Variants in RERG observed in about 807,000 individuals in gnomAD.
RERG encodes RAS like estrogen regulated growth inhibitor, also known as ras-related and estrogen-regulated growth inhibitor.
A neutral mutation model predicts 23.2 loss-of-function variants in RERG; 25 were observed. That is an observed-to-expected ratio of 1.08 (90% CI 0.79 to 1.50). The LOEUF is 1.50. Among genes scored for constraint, RERG ranks in the 40% most tolerant of loss-of-function variants. The pLI, the probability that RERG is intolerant of heterozygous loss-of-function variation, is 0.00. For synonymous variants in RERG, 81 were observed against 89.1 expected, an observed-to-expected ratio of 0.91 and a Z score of 0.51; for missense variants, 253 against 250.1, an observed-to-expected ratio of 1.01 and a Z score of -0.08.
chr12:15,175,714 C>T (rs142913707), intron 2 of RERG, among the ~76,000 whole-genome samples: 7 of 152,152 alleles, frequency 4.6e-5, no homozygotes, highest in African/African-American at 1.7e-4. Context: ...TTTCCTTTAA[C>T]ATATGTTGTG....
At chr12:15,180,786 C>T (rs1020982783) in intron 2 of RERG, among the ~76,000 whole-genome samples, 4 of 152,190 alleles carry the variant, frequency 2.6e-5, no homozygotes, top group African/African-American at 7.2e-5. Flanking sequence ...TCACTTCTGA[C>T]TCCATGGGTT....
chr12:15,159,084 C>T (rs940685812), intron 2 of RERG, among the ~76,000 whole-genome samples: 5 of 152,188 alleles, frequency 3.3e-5, no homozygotes, highest in African/African-American at 1.2e-4. Context: ...ATTTCTTCTA[C>T]ATTTATTGGT....
rs920380196 is a variant in RERG at position 15,108,209 on chromosome 12, A to G, written c.*901T>C. The G allele has an allele frequency of 6.6e-6, 1 of 152,224 alleles. No homozygotes were observed. The highest frequency in any genetic ancestry group is 1.5e-5 in the Non-Finnish European group (1 of 68,024). 9.4% of individuals were successfully genotyped at this position (152,224 alleles called of 1,614,324 possible). ...TAATTTTTCTTACTGTACCTGGCTCAAAGTCTAGACTTCCCAATGGAGGCA... is the reference window on the plus strand; with the variant it reads ...TAATTTTTCTTACTGTACCTGGCTCGAAGTCTAGACTTCCCAATGGAGGCA... On this transcript the variant is annotated 3_prime_UTR_variant, in exon 5 of 5. Transcript: ENST00000256953.
intron 2 of RERG, among the ~76,000 whole-genome samples, chr12:15,128,770 C>T (rs1863991627): frequency 6.6e-6 from 1 of 152,154 alleles, no homozygotes; most frequent in Non-Finnish European, 1.5e-5. Context: ...TTAGGGACAA[C>T]AACGCAGTGG....
chr12:15,214,037 T>TGC (rs149434890), intron 2 of RERG, among the ~76,000 whole-genome samples: 9 of 95,652 alleles, frequency 9.4e-5, no homozygotes, highest in African/African-American at 3.6e-4. Flanking sequence ...TGTGTGTGTG[T>TGC]GCGCGTGTGT....
intron 1 of RERG, among the ~76,000 whole-genome samples, chr12:15,220,412 G>A (rs1466290416): frequency 6.6e-6 from 1 of 152,072 alleles, no homozygotes; most frequent in Non-Finnish European, 1.5e-5. Context: ...TATTATTAGT[G>A]ATGCATTCAT....
rs145864196 is a variant in RERG, at chr12:15,196,291, GA to G, written c.61+21137del. On this transcript the variant is annotated intron_variant, in intron 2 of 4. Coordinates refer to ENST00000256953, the MANE Select transcript of RERG (RefSeq NM_032918.3). ...GGATGCAGCTCTATGGAAAAGGAAA[GA>G]AAAATCATTTCACTTTACCATCTCT... Among the ~76,000 whole-genome samples the G allele has an allele frequency of 6.7e-3, 1,014 of 152,238 alleles. 3 individuals carry two copies. The highest frequency in any genetic ancestry group is 9.1e-3 in the Non-Finnish European group (617 of 67,998).
intron 2 of RERG, among the ~76,000 whole-genome samples, chr12:15,137,213 AT>A (rs1229952177): frequency 1.3e-5 from 2 of 151,792 alleles, no homozygotes; most frequent in Non-Finnish European, 1.5e-5. Context: ...TCTGTCTGAT[AT>A]TAATATAGCT....
At chr12:15,140,259 T>C (rs1406396964) in intron 2 of RERG, among the ~76,000 whole-genome samples, 1 of 152,098 alleles carries the variant, frequency 6.6e-6, no homozygotes, top group Non-Finnish European at 1.5e-5. Flanking sequence ...TCTCACTCTT[T>C]TTCTCCCATT....
intron 2 of RERG, among the ~76,000 whole-genome samples, chr12:15,175,331 C>CTGTGTGTGTGTGTG (rs1231946873): frequency 9.2e-6 from 1 of 109,272 alleles, no homozygotes; most frequent in Non-Finnish European, 2.0e-5. Flanking sequence ...TACTCTCAGG[C>CTGTGTGTGTGTGTG]TCTGTGTGTG....
chr12:15,128,213 C>T (rs1863982471), intron 2 of RERG, among the ~76,000 whole-genome samples: 1 of 152,046 alleles, frequency 6.6e-6, no homozygotes, highest in Non-Finnish European at 1.5e-5. Context: ...ATATCCATGA[C>T]CAGAAACCAT....
intron 2 of RERG, among the ~76,000 whole-genome samples, chr12:15,126,323 T>C (rs1299524516): frequency 3.3e-5 from 5 of 151,822 alleles, no homozygotes; most frequent in Non-Finnish European, 7.4e-5. Context: ...CTTCTGAACA[T>C]TTATTATCCT....
intron 2 of RERG, among the ~76,000 whole-genome samples, chr12:15,195,288 C>T (rs563300742): frequency 1.4e-4 from 21 of 152,104 alleles, no homozygotes; most frequent in Non-Finnish European, 2.5e-4. Context: ...AATGGAATGA[C>T]ATACAAACCC....
chr12:15,140,600 A>C (rs1455455215), intron 2 of RERG, among the ~76,000 whole-genome samples: 1 of 152,120 alleles, frequency 6.6e-6, no homozygotes, highest in Non-Finnish European at 1.5e-5. Flanking sequence ...TCTGCTACCG[A>C]TGAATTCTGT....
chr12:15,122,892 G>T (rs1018224805), intron 2 of RERG, among the ~76,000 whole-genome samples: 1 of 150,350 alleles, frequency 6.7e-6, no homozygotes, highest in Non-Finnish European at 1.5e-5. Context: ...TCCACCTTTC[G>T]GGTTCAAGCA....
rs777983262 is a variant in RERG at position 15,121,448 on chromosome 12, A to G, written c.62-329T>C. Among the ~76,000 whole-genome samples the G allele has an allele frequency of 1.4e-4, 21 of 152,342 alleles. No individual in the cohort carries two copies. In the South Asian group the frequency reaches 1.9e-3, roughly 14 times the overall value. On this transcript the variant is annotated intron_variant, in intron 2 of 4. Transcript: ENST00000256953. ...AAATTTTTAGTAAAATGATGAATTTAGATATAAAAGGTCAAAATACAGGTA... is the reference window on the plus strand; with the variant it reads ...AAATTTTTAGTAAAATGATGAATTTGGATATAAAAGGTCAAAATACAGGTA...
At chr12:15,182,628 A>T (rs1206321427) in intron 2 of RERG, among the ~76,000 whole-genome samples, 9 of 152,336 alleles carry the variant, frequency 5.9e-5, no homozygotes, top group African/African-American at 2.2e-4. Flanking sequence ...GCAATTGTTA[A>T]ATTGCAAAAC....
chr12:15,134,219 A>C (rs1864104634), intron 2 of RERG, among the ~76,000 whole-genome samples: 1 of 152,154 alleles, frequency 6.6e-6, no homozygotes, highest in Admixed American at 6.5e-5. Context: ...GGAGTTTCAT[A>C]GTTTTACCAT....
At chr12:15,160,362 C>G (rs1334524628) in intron 2 of RERG, among the ~76,000 whole-genome samples, 1 of 152,108 alleles carries the variant, frequency 6.6e-6, no homozygotes, top group Non-Finnish European at 1.5e-5. Flanking sequence ...GCAGCAGGTG[C>G]AAAGCATCTC....
Sources: allele counts gnomAD v4.1 joint callset (sites outside exome capture counted in the v4.1 genomes callset), GRCh38; gene constraint gnomAD v4.1.1; transcripts MANE v1.5; gene names NCBI Gene and HGNC (gene_info 2026-07-23, HGNC 2026-07-21).